The following RERE variants were observed in gnomAD, a reference collection of about 807,000 sequenced individuals.
RERE encodes arginine-glutamic acid dipeptide repeats protein.
Under a neutral mutation model 146.1 loss-of-function variants are expected in RERE, and 40 were observed. The observed-to-expected ratio is 0.27, with a 90% CI of 0.21 to 0.36. The LOEUF (loss-of-function observed/expected upper bound fraction) is 0.36, where lower values mean the gene tolerates loss of function less well. Ranked by LOEUF, RERE falls within the 10% of genes least tolerant of loss-of-function variation. RERE has a pLI of 1.00. For missense variants in RERE, 1,933 were observed against 2,138.7 expected, an observed-to-expected ratio of 0.90 and a Z score of 1.90; for synonymous variants, 1,003 against 866.0, an observed-to-expected ratio of 1.16 and a Z score of -2.78.
At chr1:8,644,602 G>C (rs945136372) in intron 2 of RERE, among the ~76,000 whole-genome samples, 1 of 151,920 alleles carries the variant, frequency 6.6e-6, no homozygotes, top group Admixed American at 6.6e-5. Context: ...AGTTACTTAG[G>C]GTTCAAAATC....
chr1:8,456,940 A>G (rs1644459827), intron 11 of RERE, among the ~76,000 whole-genome samples: 1 of 152,154 alleles, frequency 6.6e-6, no homozygotes, highest in African/African-American at 2.4e-5. Flanking sequence ...CACACTATAC[A>G]TGTCACTTAG....
intron 4 of RERE, among the ~76,000 whole-genome samples, chr1:8,609,424 C>A (rs1230464800): frequency 6.6e-6 from 1 of 151,726 alleles, no homozygotes; most frequent in African/African-American, 2.4e-5. Context: ...AATCATCTTT[C>A]ATTTAGGGTA....
At chr1:8,367,758 A>G (rs1264899509) in intron 12 of RERE, among the ~76,000 whole-genome samples, 1 of 152,162 alleles carries the variant, frequency 6.6e-6, no homozygotes, top group Non-Finnish European at 1.5e-5. Context: ...GCGAGCTACA[A>G]CTGTCCCAGC....
At position 8,773,328 on chromosome 1, in the gene RERE, T is replaced by C. The variant is rs1383335090; in HGVS notation, c.-145+43832A>G. Among the ~76,000 whole-genome samples the C allele has an allele frequency of 2.0e-5, 3 of 152,156 alleles. No individual in the cohort carries two copies. The East Asian group carries it at 5.8e-4, about 29-fold the overall frequency. On this transcript the variant is annotated intron_variant, in intron 1 of 22. Transcript: ENST00000400908. Reference sequence around the variant, plus strand: ...GCTTTGAAATGCTATAGCAATAATATGAAATTATATTAAATCATAACCAGA... The same window carrying C: ...GCTTTGAAATGCTATAGCAATAATACGAAATTATATTAAATCATAACCAGA...
At chr1:8,774,052 T>G (rs1275971093) in intron 1 of RERE, among the ~76,000 whole-genome samples, 1 of 152,166 alleles carries the variant, frequency 6.6e-6, no homozygotes, top group Non-Finnish European at 1.5e-5. Context: ...AACAAAAATG[T>G]ACTCATCTAA....
At chr1:8,650,450 A>G (rs1647555224) in intron 2 of RERE, among the ~76,000 whole-genome samples, 1 of 152,226 alleles carries the variant, frequency 6.6e-6, no homozygotes, top group Non-Finnish European at 1.5e-5. Flanking sequence ...TTTATATCCC[A>G]TAGAAATAAA....
intron 1 of RERE, among the ~76,000 whole-genome samples, chr1:8,762,894 T>C (rs946211199): frequency 3.3e-5 from 5 of 152,066 alleles, no homozygotes; most frequent in Non-Finnish European, 7.4e-5. Flanking sequence ...CCTGGGACCA[T>C]GGAAAATTAG....
intron 1 of RERE, among the ~76,000 whole-genome samples, chr1:8,787,610 C>G (rs1641281406): frequency 1.3e-5 from 2 of 152,032 alleles, no homozygotes; most frequent in Non-Finnish European, 2.9e-5. Flanking sequence ...GCAGGCGGAT[C>G]ACCTGAGGTC....
intron 4 of RERE, among the ~76,000 whole-genome samples, chr1:8,605,431 C>T (rs984559488): frequency 6.6e-6 from 1 of 152,078 alleles, no homozygotes; most frequent in African/African-American, 2.4e-5. Flanking sequence ...TGAGCCTGGC[C>T]TTCCCAACTT....
intron 6 of RERE, among the ~76,000 whole-genome samples, chr1:8,543,986 T>A (rs548390200): frequency 6.6e-6 from 1 of 152,226 alleles, no homozygotes; most frequent in Non-Finnish European, 1.5e-5. Context: ...GTACCTCTAA[T>A]ACAATGTGGA....
At chr1:8,499,812 T>C (rs1645104546) in intron 8 of RERE, among the ~76,000 whole-genome samples, 2 of 152,170 alleles carry the variant, frequency 1.3e-5, no homozygotes. Context: ...ATAGTGAAAA[T>C]AGTGGGATAA....
At chr1:8,748,695 C>T (rs1012105786) in intron 1 of RERE, among the ~76,000 whole-genome samples, 7 of 152,146 alleles carry the variant, frequency 4.6e-5, no homozygotes, top group Admixed American at 3.9e-4. Flanking sequence ...TCGCCAAGTA[C>T]GAAAAACCTG....
At chr1:8,477,599 C>T (rs1342242999) in intron 10 of RERE, among the ~76,000 whole-genome samples, 2 of 152,228 alleles carry the variant, frequency 1.3e-5, no homozygotes, top group Non-Finnish European at 2.9e-5. Context: ...AGTGAACCTA[C>T]TCATACATGC....
chr1:8,501,478 C>G (rs566667375), intron 8 of RERE, among the ~76,000 whole-genome samples: 1 of 96,888 alleles, frequency 1.0e-5, no homozygotes, highest in Non-Finnish European at 2.0e-5. Flanking sequence ...CCCCTCTGCC[C>G]GGCCAGCCGC....
chr1:8,650,907 A>AAAATT lies in RERE; in HGVS notation c.325+5061_325+5065dup, dbSNP rs1223115894. 2.7e-5 allele frequency among the ~76,000 whole-genome samples: 4 copies of AAAATT among 150,886 alleles called. No homozygotes were observed. The East Asian group carries it at 5.8e-4, about 22-fold the overall frequency. The stretch of plus-strand genomic sequence containing the variant: ...TGAGACTCCATCTCAAAAAAAAATA[A>AAAATT]AAATTAAATTAAATTAAATAAATAA... On this transcript the variant is annotated intron_variant, in intron 2 of 22. Transcript: ENST00000400908.
chr1:8,697,668 G>A (rs188619480), intron 1 of RERE, among the ~76,000 whole-genome samples: 1 of 152,232 alleles, frequency 6.6e-6, no homozygotes, highest in Non-Finnish European at 1.5e-5. Context: ...GATTACAGGC[G>A]CGAGCCACCA....
chr1:8,416,564 C>G (rs1273805327), intron 12 of RERE, among the ~76,000 whole-genome samples: 17 of 127,358 alleles, frequency 1.3e-4, no homozygotes, highest in Non-Finnish European at 1.9e-4. Flanking sequence ...CCAGCCTGGG[C>G]GACAGAGCGA....
At chr1:8,597,998 G>T (rs1646576213) in intron 4 of RERE, among the ~76,000 whole-genome samples, 1 of 152,068 alleles carries the variant, frequency 6.6e-6, no homozygotes, top group South Asian at 2.1e-4. Context: ...TCCTAAAAGA[G>T]AAATATGTCT....
At chr1:8,365,034 T>C (rs567523610) in intron 13 of RERE, among the ~76,000 whole-genome samples, 196 bp from the exon 14 acceptor site, 59 of 152,318 alleles carry the variant, frequency 3.9e-4, no homozygotes, top group African/African-American at 1.4e-3. Context: ...AGCTCCTCAG[T>C]GTCAGTCACC....
Sources: gnomAD v4.1 joint callset for allele counts (sites outside exome capture counted in the v4.1 genomes callset) on GRCh38, gnomAD v4.1.1 for gene constraint, MANE v1.5 for transcripts, NCBI Gene and HGNC (gene_info 2026-07-23, HGNC 2026-07-21) for gene names.